The following DYNC2H1 variants were observed in gnomAD, a reference collection of about 807,000 sequenced individuals.
DYNC2H1 encodes cytoplasmic dynein 2 heavy chain 1.
DYNC2H1 carries 410 observed loss-of-function variants against 570.0 expected under a neutral mutation model. The ratio of observed to expected loss-of-function variants is 0.72; its 90% CI spans 0.66 to 0.78. The LOEUF (loss-of-function observed/expected upper bound fraction) is 0.78, where lower values mean the gene tolerates loss of function less well. Ranked by LOEUF, DYNC2H1 falls within the 30% of genes least tolerant of loss-of-function variation. DYNC2H1 has a pLI of 0.00. For synonymous variants in DYNC2H1, 1,688 were observed against 1,677.6 expected, an observed-to-expected ratio of 1.01 and a Z score of -0.15; for missense variants, 4,865 against 5,046.4, an observed-to-expected ratio of 0.96 and a Z score of 1.09.
Position 103,179,140 on chromosome 11 carries a change from A to C in DYNC2H1, c.6254A>C (p.Gln2085Pro). 6.2e-7 allele frequency: 1 copy of C among 1,613,210 alleles called. No homozygotes were observed. The highest frequency in any genetic ancestry group is 8.5e-7 in the Non-Finnish European group (1 of 1,179,396). The change falls in exon 39 of 89, where the codon CAG becomes CCG. Residue 2085 changes from glutamine (Q) to proline (P), a missense_variant. Around this residue, in one of 5 missense-constraint regions of DYNC2H1, gnomAD observed 231 missense variants for 310.3 expected, o/e 0.74. Transcript: ENST00000375735. ...ACTATGCCCAGTGGAGAAAGGATTCAGTTTGGCCCAAATGTTAACTTTGTA... is the reference window on the plus strand; with the variant it reads ...ACTATGCCCAGTGGAGAAAGGATTCCGTTTGGCCCAAATGTTAACTTTGTA... ...LLTMPSGERI[Q>P]FGPNVNFVFE...
chr11:103,113,780 A>G lies in DYNC2H1; in HGVS notation c.366+73A>G, dbSNP rs1305412369. ...TGTTTTCATATAAACATAAATATCT[A>G]TTTTTTACTGTTAATGTTAGTAGTG... On this transcript the variant is annotated intron_variant, in intron 2 of 88. Coordinates refer to ENST00000375735, the MANE Select transcript of DYNC2H1 (RefSeq NM_001377.3). 6.0e-6 allele frequency: 7 copies of G among 1,169,760 alleles called. No individual in the cohort carries two copies. The East Asian group carries it at 1.8e-4, about 29-fold the overall frequency. 72.5% of individuals were successfully genotyped at this position (1,169,760 alleles called of 1,614,324 possible).
chr11:103,266,526 T>C (rs1183411867), intron 70 of DYNC2H1, among the ~76,000 whole-genome samples: 1 of 152,156 alleles, frequency 6.6e-6, no homozygotes, highest in Non-Finnish European at 1.5e-5. Flanking sequence ...CAGCTGGTTC[T>C]CTGCCTGCCA....
At chr11:103,430,747 TATAG>T (rs1325545488) in intron 84 of DYNC2H1, among the ~76,000 whole-genome samples, 2 of 151,914 alleles carry the variant, frequency 1.3e-5, no homozygotes, top group African/African-American at 2.4e-5. Flanking sequence ...ACCTGACTAT[TATAG>T]ATACTCAGGA....
chr11:103,251,089 A>AT (rs552973123), intron 65 of DYNC2H1, among the ~76,000 whole-genome samples: 1 of 151,618 alleles, frequency 6.6e-6, no homozygotes, highest in Non-Finnish European at 1.5e-5. Flanking sequence ...GCCCTAATTT[A>AT]TTTTTTTTCT....
intron 59 of DYNC2H1, among the ~76,000 whole-genome samples, chr11:103,229,134 G>A (rs377120943): frequency 2.6e-4 from 40 of 152,318 alleles, no homozygotes; most frequent in African/African-American, 9.4e-4. Flanking sequence ...CAGTGACCAG[G>A]GCTGAGAACT....
At chr11:103,279,937 G>A (rs1054971694) in intron 70 of DYNC2H1, among the ~76,000 whole-genome samples, 1 of 152,264 alleles carries the variant, frequency 6.6e-6, no homozygotes, top group East Asian at 1.9e-4. Context: ...GGAGAAAATA[G>A]TTGTCATAAT....
At chr11:103,318,296 C>T (rs1937974650) in intron 80 of DYNC2H1, among the ~76,000 whole-genome samples, 1 of 152,100 alleles carries the variant, frequency 6.6e-6, no homozygotes, top group South Asian at 2.1e-4. Context: ...GCCTTTCAGC[C>T]TCTACCATCC....
At chr11:103,347,569 A>AT (rs1480573793) in intron 82 of DYNC2H1, among the ~76,000 whole-genome samples, 2 of 152,192 alleles carry the variant, frequency 1.3e-5, no homozygotes, top group Non-Finnish European at 2.9e-5. Context: ...CAGTTGTTGA[A>AT]TCTACATTGT....
intron 80 of DYNC2H1, among the ~76,000 whole-genome samples, chr11:103,320,713 C>A (rs1157506366): frequency 6.6e-6 from 1 of 152,130 alleles, no homozygotes; most frequent in Non-Finnish European, 1.5e-5. Context: ...TATTTCAGAT[C>A]TTCGAGATTG....
chr11:103,472,743 T>C lies in DYNC2H1; in HGVS notation c.12765+4038T>C, dbSNP rs1187381809. Among the ~76,000 whole-genome samples, 2 of 152,206 alleles carry C rather than the reference T, an allele frequency of 1.3e-5. No homozygotes were observed. The highest frequency in any genetic ancestry group is 2.9e-5 in the Non-Finnish European group (2 of 68,030). On this transcript the variant is annotated intron_variant, in intron 88 of 88. Coordinates refer to ENST00000375735, the MANE Select transcript of DYNC2H1 (RefSeq NM_001377.3). This position sits in a 1 kb window ranked among gnomAD's most constrained non-coding sequence, Gnocchi z 4.1. ...GAAATAGGAATTGTAATCTCCATTT[T>C]AAAGTAGAAAATGGAGGTTTAAAAG...
At chr11:103,385,113 T>C (rs1941819252) in intron 83 of DYNC2H1, among the ~76,000 whole-genome samples, 2 of 152,146 alleles carry the variant, frequency 1.3e-5, no homozygotes, top group South Asian at 4.1e-4. Context: ...TCTGCAGTTA[T>C]ACTGTTGAGA....
chr11:103,142,032 C>T (rs1410383828), intron 17 of DYNC2H1, among the ~76,000 whole-genome samples: 1 of 152,210 alleles, frequency 6.6e-6, no homozygotes, highest in Non-Finnish European at 1.5e-5. Flanking sequence ...ATATAATCTC[C>T]TGGTGTGCCA....
chr11:103,241,562 A>G lies in DYNC2H1; in HGVS notation c.9820-2131A>G. 6.4e-7 allele frequency: 1 copy of G among 1,563,510 alleles called. No individual in the cohort carries two copies. Among genetic ancestry groups the G allele is most frequent in the Non-Finnish European group, 8.8e-7 (1 of 1,142,476 alleles). On this transcript the variant is annotated intron_variant, in intron 63 of 88. Coordinates refer to ENST00000375735, the MANE Select transcript of DYNC2H1 (RefSeq NM_001377.3). The surrounding 1 kb of genome is among the most constrained non-coding windows in gnomAD (Gnocchi z 5.1). ...TGAAATCATGGGTAAGAACTTTTTA[A>G]AAATTTAAAATAATTACTTTTGTAG...
chr11:103,471,982 A>C (rs1165540855), intron 88 of DYNC2H1, among the ~76,000 whole-genome samples: 3 of 152,220 alleles, frequency 2.0e-5, no homozygotes, highest in Non-Finnish European at 4.4e-5. Flanking sequence ...ATAACAGTTT[A>C]AGGACAAATT....
intron 4 of DYNC2H1, among the ~76,000 whole-genome samples, chr11:103,115,563 C>T (rs11225552): frequency 7.0e-4 from 107 of 152,018 alleles, no homozygotes; most frequent in Admixed American, 6.9e-3. Context: ...TTTGGGAGGC[C>T]GAGGTGGGTG....
chr11:103,304,580 T>A lies in DYNC2H1; in HGVS notation c.11257-15T>A, dbSNP rs762094371. ...GATCTGTTTTTAAATTTTGTTTGTTTTTTTGCTTTTGTAGGTTGCCATGGG... is the reference window on the plus strand; with the variant it reads ...GATCTGTTTTTAAATTTTGTTTGTTATTTTGCTTTTGTAGGTTGCCATGGG... On this transcript the variant is annotated splice_polypyrimidine_tract_variant and intron_variant, in intron 76 of 88. Transcript: ENST00000375735. The A allele has an allele frequency of 6.2e-7, 1 of 1,606,314 alleles. No homozygotes were observed. The highest frequency in any genetic ancestry group is 1.7e-5 in the Admixed American group (1 of 59,348).
intron 79 of DYNC2H1, among the ~76,000 whole-genome samples, chr11:103,312,418 T>C (rs1000604141): frequency 5.4e-5 from 8 of 147,816 alleles, no homozygotes; most frequent in African/African-American, 1.8e-4. Flanking sequence ...GGCACACGCC[T>C]GTAGTTCCAG....
At chr11:103,253,146 C>A (rs183090994) in intron 65 of DYNC2H1, 139 bp from the exon 66 acceptor site, 698 of 701,126 alleles carry the variant, frequency 1.0e-3, no homozygotes, top group Admixed American at 1.8e-3. Flanking sequence ...CTAATAGTAT[C>A]TCAGGTAACC....
intron 83 of DYNC2H1, among the ~76,000 whole-genome samples, chr11:103,384,590 TTTAG>T (rs1329524134): frequency 6.6e-6 from 1 of 152,196 alleles, no homozygotes; most frequent in African/African-American, 2.4e-5. Flanking sequence ...TTTTTTACTT[TTTAG>T]TTGGTATTCT....
Sources: allele counts gnomAD v4.1 joint callset (sites outside exome capture counted in the v4.1 genomes callset), GRCh38; gene constraint gnomAD v4.1.1; regional missense constraint gnomAD v4.1.1; non-coding constraint Gnocchi (gnomAD v3.1); transcripts MANE v1.5; gene names NCBI Gene and HGNC (gene_info 2026-07-23, HGNC 2026-07-21).